Variants in CHD6 observed in about 807,000 individuals in gnomAD.
CHD6 encodes the protein chromodomain helicase DNA binding protein 6.
In CHD6, 50 loss-of-function variants were observed where a neutral mutation model predicts 276.9. That is an observed-to-expected ratio of 0.18 (90% CI 0.14 to 0.23). The LOEUF is 0.23. CHD6 is among the 10% of genes least tolerant of loss of function. The probability of loss-of-function intolerance (pLI) is 1.00; values close to 1 mark genes in which losing one functional copy is unlikely to be tolerated. For missense variants in CHD6, 2,564 were observed against 3,365.8 expected (o/e 0.76, Z 5.89); for synonymous variants, 1,173 against 1,229.3 (o/e 0.95, Z 0.96).
chr20:41,498,874 T>C (rs890958999), intron 6 of CHD6, among the ~76,000 whole-genome samples: 2 of 151,850 alleles, frequency 1.3e-5, no homozygotes, highest in Admixed American at 1.3e-4. Flanking sequence ...AGGGTCTCAC[T>C]ATATTGCCCA....
intron 1 of CHD6, among the ~76,000 whole-genome samples, chr20:41,597,095 A>C (rs2045725586): frequency 6.6e-6 from 1 of 152,192 alleles, no homozygotes; most frequent in East Asian, 1.9e-4. Flanking sequence ...AGGGCAAAAC[A>C]AATGTTTCAA....
rs1343267965 is a variant in CHD6 at position 41,447,917 on chromosome 20, T to C, written c.3738A>G (p.Glu1246=). The change falls in exon 24 of 37, where the codon GAA becomes GAG. Residue 1246 remains glutamate (E), a synonymous_variant. Coordinates refer to ENST00000373233, the MANE Select transcript of CHD6 (RefSeq NM_032221.5). ...LYYLKAEILG[E]AAEKAFEGSP... is the part of the protein sequence containing the mutation. Reference sequence around the variant, plus strand: ...ATCCTTCAAATGCTTTCTCAGCTGCTTCTCCCAGTATTTCAGCTTTTAGGT... The same window carrying C: ...ATCCTTCAAATGCTTTCTCAGCTGCCTCTCCCAGTATTTCAGCTTTTAGGT... The C allele has an allele frequency of 2.5e-6, 4 of 1,612,384 alleles. No homozygotes were observed. In the Admixed American group the frequency reaches 6.7e-5, roughly 27 times the overall value.
chr20:41,493,380 C>T (rs1431896911), intron 10 of CHD6, among the ~76,000 whole-genome samples, 158 bp downstream of exon 10: 1 of 152,082 alleles, frequency 6.6e-6, no homozygotes, highest in Non-Finnish European at 1.5e-5. Flanking sequence ...AAAGTTCGAT[C>T]TGGGGTGGAA....
At chr20:41,576,511 C>T (rs1381971001) in intron 1 of CHD6, among the ~76,000 whole-genome samples, 1 of 152,118 alleles carries the variant, frequency 6.6e-6, no homozygotes, top group Non-Finnish European at 1.5e-5. Context: ...CATGGTGAAA[C>T]CCTGCCTCTA....
chr20:41,490,526 T>C (rs1055121769), intron 11 of CHD6, among the ~76,000 whole-genome samples: 2 of 152,178 alleles, frequency 1.3e-5, no homozygotes, highest in Non-Finnish European at 2.9e-5. Flanking sequence ...AAAAGTGGTA[T>C]ACCTGGCCAG....
chr20:41,455,214 T>C (rs1209600746), intron 19 of CHD6, among the ~76,000 whole-genome samples: 1 of 152,200 alleles, frequency 6.6e-6, no homozygotes, highest in Non-Finnish European at 1.5e-5. Context: ...AACTTTCAGG[T>C]GTCACCAAAC....
At position 41,405,116 on chromosome 20, in the gene CHD6, A is replaced by G; in HGVS notation, c.7625T>C (p.Met2542Thr). The G allele has an allele frequency of 1.9e-6, 3 of 1,614,246 alleles. No individual in the cohort carries two copies. In the South Asian group the frequency reaches 3.3e-5, roughly 18 times the overall value. ...FGVGGLLSPP[M>T]ATTCTSTAPA... ...AGCAGTGGAAGTGCAGGTGGTTGCC[A>G]TGGGTGGACTGAGGAGTCCCCCAAC... is the stretch of plus-strand genomic sequence containing the variant. Residue 2542 changes from methionine to threonine, a missense_variant, in exon 37 of 37, where the codon ATG becomes ACG. Physicochemically the swap from Met to Thr is moderately conservative, Grantham distance 81. Around this residue, in one of 7 missense-constraint regions of CHD6, gnomAD observed 238 missense variants for 266.0 expected, o/e 0.89. Transcript: ENST00000373233.
chr20:41,613,459 C>T (rs1341926594), intron 1 of CHD6, among the ~76,000 whole-genome samples: 1 of 152,220 alleles, frequency 6.6e-6, no homozygotes, highest in Non-Finnish European at 1.5e-5. Context: ...CAACCTTTAA[C>T]TCTATCAGGC....
chr20:41,423,890 A>T (rs976613286), intron 29 of CHD6, among the ~76,000 whole-genome samples, 190 bp from the exon 30 acceptor site: 1 of 152,044 alleles, frequency 6.6e-6, no homozygotes, highest in Non-Finnish European at 1.5e-5. Context: ...CTATTATCCA[A>T]CTCCCAAAGA....
At chr20:41,472,487 C>T (rs1245864696) in intron 17 of CHD6, among the ~76,000 whole-genome samples, 2 of 152,136 alleles carry the variant, frequency 1.3e-5, no homozygotes, top group South Asian at 4.1e-4. Context: ...TACCCATAAT[C>T]CTAGTGTTAG....
chr20:41,609,604 G>A (rs889835988), intron 1 of CHD6, among the ~76,000 whole-genome samples: 2 of 152,162 alleles, frequency 1.3e-5, no homozygotes, highest in African/African-American at 4.8e-5. Context: ...AGCCCTATCC[G>A]TGATTTTTAA....
chr20:41,480,387 T>C (rs770990006), intron 16 of CHD6, among the ~76,000 whole-genome samples: 32 of 152,184 alleles, frequency 2.1e-4, no homozygotes, highest in Non-Finnish European at 3.4e-4. Flanking sequence ...AATAGGTGTA[T>C]AGAAAAATAA....
chr20:41,564,860 G>A (rs1293450306), intron 1 of CHD6, among the ~76,000 whole-genome samples: 1 of 152,146 alleles, frequency 6.6e-6, no homozygotes, highest in African/African-American at 2.4e-5. Context: ...TGCCTGGCTA[G>A]GCAGTTTGAA....
intron 2 of CHD6, among the ~76,000 whole-genome samples, chr20:41,543,255 A>G (rs911561283): frequency 9.9e-5 from 15 of 152,238 alleles, no homozygotes; most frequent in African/African-American, 3.4e-4. Context: ...AGAAGCCTAG[A>G]GAGGCTAAAT....
chr20:41,562,022 AT>A (rs898252394), intron 1 of CHD6, among the ~76,000 whole-genome samples: 1 of 151,294 alleles, frequency 6.6e-6, no homozygotes, highest in Non-Finnish European at 1.5e-5. Flanking sequence ...TTCCCTCCCT[AT>A]TGTTTTCTTT....
At chr20:41,410,291 T>C (rs1448541543) in intron 36 of CHD6, among the ~76,000 whole-genome samples, 7 of 152,214 alleles carry the variant, frequency 4.6e-5, no homozygotes, top group African/African-American at 1.7e-4. Flanking sequence ...GAGAGCTGGC[T>C]GTCCCTTCCT....
At chr20:41,418,727 G>A (rs535963159) in intron 31 of CHD6, among the ~76,000 whole-genome samples, 11 of 152,222 alleles carry the variant, frequency 7.2e-5, no homozygotes, top group Admixed American at 4.6e-4. Flanking sequence ...CGAAAGCAGG[G>A]CTAATCCTCT....
intron 36 of CHD6, among the ~76,000 whole-genome samples, chr20:41,409,068 G>C (rs2046767461): frequency 6.6e-6 from 1 of 152,252 alleles, no homozygotes; most frequent in Non-Finnish European, 1.5e-5. Context: ...GAAGGCACAA[G>C]CTAATCTTTC....
rs376667524 is a variant in CHD6 at position 41,452,075 on chromosome 20, T to C, written c.3324-50A>G. 4.2e-6 allele frequency: 6 copies of C among 1,434,638 alleles called. No individual in the cohort carries two copies. The highest frequency in any genetic ancestry group is 5.9e-6 in the Non-Finnish European group (6 of 1,022,332). 88.9% of individuals were successfully genotyped at this position (1,434,638 alleles called of 1,614,324 possible). On this transcript the variant is annotated intron_variant, in intron 21 of 36. Coordinates refer to ENST00000373233, the MANE Select transcript of CHD6 (RefSeq NM_032221.5). The surrounding 1 kb of genome is among the most constrained non-coding windows in gnomAD (Gnocchi z 4.2). ...GTTGGAGGGAGAATGGACCAGGCCA[T>C]GCAGGCAGCCTCCCCACAGGAGGAG... is the stretch of plus-strand genomic sequence containing the variant.
Sources: allele counts gnomAD v4.1 joint callset (sites outside exome capture counted in the v4.1 genomes callset), GRCh38; gene constraint gnomAD v4.1.1; regional missense constraint gnomAD v4.1.1; non-coding constraint Gnocchi (gnomAD v3.1); transcripts MANE v1.5; gene names NCBI Gene and HGNC (gene_info 2026-07-23, HGNC 2026-07-21).